DYNC2H1: variants seen among roughly 807,000 people sequenced by gnomAD.
DYNC2H1 encodes the protein cytoplasmic dynein 2 heavy chain 1.
Under a neutral mutation model 570.0 loss-of-function variants are expected in DYNC2H1, and 410 were observed. That is an observed-to-expected ratio of 0.72 (90% CI 0.66 to 0.78). The LOEUF is 0.78. DYNC2H1 is among the 30% of genes least tolerant of loss of function. DYNC2H1 has a pLI of 0.00. For synonymous variants in DYNC2H1, 1,688 were observed against 1,677.6 expected (o/e 1.01, Z -0.15); for missense variants, 4,865 against 5,046.4 (o/e 0.96, Z 1.09).
rs1480169152 is a variant in DYNC2H1, at chr11:103,399,146, TTTG to T, written c.12157-514_12157-512del. On this transcript the variant is annotated intron_variant, in intron 83 of 88. Transcript: ENST00000375735. ...TTCTCATTTCCCACACCGTTTTTTT[TTTG>T]TTTTTTTTTTTGAGATGGAGTCTCA... Among the ~76,000 whole-genome samples, 7 of 141,830 alleles carry T rather than the reference TTTG, an allele frequency of 4.9e-5. 1 individual carries two copies. Among genetic ancestry groups the T allele is most frequent in the African/African-American group, 2.0e-4 (7 of 35,122 alleles). 93.0% of individuals were successfully genotyped at this position (141,830 alleles called of 152,430 possible). A position where few individuals can be genotyped will look rare whatever the true frequency, so the allele number is the denominator to read the frequency against.
intron 78 of DYNC2H1, among the ~76,000 whole-genome samples, chr11:103,308,179 C>T: frequency 6.6e-6 from 1 of 152,108 alleles, no homozygotes; most frequent in East Asian, 1.9e-4. Context: ...TGAAGAGCAA[C>T]TCTTCATTTT....
chr11:103,390,419 A>G lies in DYNC2H1; in HGVS notation c.12157-9244A>G, dbSNP rs553965747. 1.9e-3 allele frequency among the ~76,000 whole-genome samples: 290 copies of G among 151,800 alleles called. 1 individual carries two copies. The highest frequency in any genetic ancestry group is 6.8e-3 in the African/African-American group (282 of 41,286). Reference sequence around the variant, plus strand: ...TGCACATGAGATGGGTTTCCTGAATACAGCACACTGATGGGTCTTGACTCT... The same window carrying G: ...TGCACATGAGATGGGTTTCCTGAATGCAGCACACTGATGGGTCTTGACTCT... On this transcript the variant is annotated intron_variant, in intron 83 of 88. Coordinates refer to ENST00000375735, the MANE Select transcript of DYNC2H1 (RefSeq NM_001377.3).
chr11:103,215,844 A>G lies in DYNC2H1; in HGVS notation c.8818A>G (p.Thr2940Ala). ...AGCAGATGCTGCCCTTCAAATGATC[A>G]CAGTGTCAATGCAGGTAATGTTTAG... ...DEADAALQMITVSMQDASEQK... is the reference protein window; with the variant it reads ...DEADAALQMIAVSMQDASEQK... The change falls in exon 55 of 89, where the codon ACA becomes GCA. Residue 2940 changes from threonine to alanine, a missense_variant. Thr to Ala is a moderately conservative substitution (Grantham distance 58). Transcript: ENST00000375735. 6.2e-7 allele frequency: 1 copy of G among 1,612,888 alleles called. No homozygotes were observed. Among genetic ancestry groups the G allele is most frequent in the Non-Finnish European group, 8.5e-7 (1 of 1,179,356 alleles).
At chr11:103,143,633 A>G (rs752116092) in intron 18 of DYNC2H1, among the ~76,000 whole-genome samples, 6 of 152,298 alleles carry the variant, frequency 3.9e-5, no homozygotes, top group Non-Finnish European at 7.4e-5. Flanking sequence ...AGAGGCTTCT[A>G]TCTTCATCTG....
chr11:103,161,255 C>T (rs1861080835), intron 29 of DYNC2H1, among the ~76,000 whole-genome samples: 2 of 151,918 alleles, frequency 1.3e-5, no homozygotes, highest in Admixed American at 1.3e-4. Flanking sequence ...GGAAGGCAGC[C>T]TGTAATTATG....
At chr11:103,128,730 A>C (rs962673921) in intron 12 of DYNC2H1, among the ~76,000 whole-genome samples, 180 bp from the exon 13 acceptor site, 1 of 152,222 alleles carries the variant, frequency 6.6e-6, no homozygotes, top group African/African-American at 2.4e-5. Flanking sequence ...GTAGGAACTC[A>C]ACACTTACTT....
At chr11:103,168,717 C>A (rs1163430882) in intron 31 of DYNC2H1, 38 bp from the exon 32 acceptor site, 1 of 1,586,900 alleles carries the variant, frequency 6.3e-7, no homozygotes, top group East Asian at 2.2e-5. Flanking sequence ...CACAGGCTAA[C>A]ATTTTCTCCA....
chr11:103,168,240 G>A (rs1010551079), intron 31 of DYNC2H1, among the ~76,000 whole-genome samples: 1 of 152,166 alleles, frequency 6.6e-6, no homozygotes, highest in Admixed American at 6.5e-5. Flanking sequence ...TCCTTCTAAA[G>A]CCTGAGCTAG....
rs553712605 is a variant in DYNC2H1, at chr11:103,369,819, C to T, written c.12156+11460C>T. Among the ~76,000 whole-genome samples, 2 of 152,326 alleles carry T rather than the reference C, an allele frequency of 1.3e-5. No homozygotes were observed. Among genetic ancestry groups the T allele is most frequent in the Non-Finnish European group, 1.5e-5 (1 of 68,032 alleles). ...CCTGCATAACCAGCAGCAATACCCA[C>T]GTGTACTACATTGAGGGCCTTGGGT... On this transcript the variant is annotated intron_variant, in intron 83 of 88. Coordinates refer to ENST00000375735, the MANE Select transcript of DYNC2H1 (RefSeq NM_001377.3). The surrounding 1 kb of genome is among the most constrained non-coding windows in gnomAD (Gnocchi z 4.0).
intron 42 of DYNC2H1, among the ~76,000 whole-genome samples, chr11:103,187,033 A>G (rs139577972): frequency 8.7e-4 from 133 of 152,122 alleles, no homozygotes; most frequent in Admixed American, 1.9e-3. Flanking sequence ...AAAATCCTTC[A>G]ACTGTGGGGA....
chr11:103,414,137 A>G (rs1303039937), intron 84 of DYNC2H1, among the ~76,000 whole-genome samples: 1 of 152,224 alleles, frequency 6.6e-6, no homozygotes, highest in Non-Finnish European at 1.5e-5. Flanking sequence ...TAAGATGGAA[A>G]CATAACCTTT....
rs1369326321 is a variant in DYNC2H1 at position 103,461,694 on chromosome 11, C to G, written c.12648+5338C>G. Among the ~76,000 whole-genome samples the G allele has an allele frequency of 6.6e-6, 1 of 150,662 alleles. No homozygotes were observed. Among genetic ancestry groups the G allele is most frequent in the Non-Finnish European group, 1.5e-5 (1 of 67,808 alleles). On this transcript the variant is annotated intron_variant, in intron 87 of 88. Transcript: ENST00000375735. This position sits in a 1 kb window ranked among gnomAD's most constrained non-coding sequence, Gnocchi z 4.8. ...AGCTCTGCATGGAACGGTCAATTCC[C>G]TAGAAAATGTAAACATCCTTTGGTC...
intron 3 of DYNC2H1, 104 bp from the exon 4 acceptor site, chr11:103,115,073 C>CAT (rs1309428182): frequency 1.4e-6 from 1 of 695,442 alleles, no homozygotes; most frequent in African/African-American, 1.8e-5. Flanking sequence ...CAGCTAGGAG[C>CAT]ATATGTGTTA....
At chr11:103,411,642 GAAACAA>G (rs1943092185) in intron 84 of DYNC2H1, among the ~76,000 whole-genome samples, 1 of 151,852 alleles carries the variant, frequency 6.6e-6, no homozygotes, top group African/African-American at 2.4e-5. Context: ...TTAATTATAT[GAAACAA>G]TTTTTTAAGA....
At chr11:103,112,183 T>C (rs1285042570) in intron 1 of DYNC2H1, among the ~76,000 whole-genome samples, 2 of 151,974 alleles carry the variant, frequency 1.3e-5, no homozygotes, top group Non-Finnish European at 2.9e-5. Flanking sequence ...AAACTGTAAG[T>C]ACCAAGGCCC....
chr11:103,208,120 A>G (rs1368485289), intron 52 of DYNC2H1, among the ~76,000 whole-genome samples: 2 of 152,144 alleles, frequency 1.3e-5, no homozygotes, highest in Non-Finnish European at 2.9e-5. Context: ...ACAAAATCTC[A>G]TGATTTGACT....
intron 84 of DYNC2H1, chr11:103,403,208 G>A (rs535103087): frequency 7.2e-5 from 11 of 152,092 alleles, no homozygotes; most frequent in East Asian, 1.9e-4. Flanking sequence ...ATACTACTGC[G>A]GGTAGACCTA....
At chr11:103,459,804 T>G (rs967289698) in intron 87 of DYNC2H1, among the ~76,000 whole-genome samples, 179 of 150,654 alleles carry the variant, frequency 1.2e-3, no homozygotes, top group African/African-American at 4.2e-3. Flanking sequence ...TACAAAAAAT[T>G]AGCCGGGCGC....
At chr11:103,140,905 T>G (rs2134814775) in intron 17 of DYNC2H1, among the ~76,000 whole-genome samples, 1 of 152,326 alleles carries the variant, frequency 6.6e-6, no homozygotes, top group South Asian at 2.1e-4. Flanking sequence ...TGCTCATTTC[T>G]TTTTATTCTT....
Sources: gnomAD v4.1 joint callset for allele counts (sites outside exome capture counted in the v4.1 genomes callset) on GRCh38, gnomAD v4.1.1 for gene constraint, Gnocchi (gnomAD v3.1) non-coding constraint, MANE v1.5 for transcripts, NCBI Gene and HGNC (gene_info 2026-07-23, HGNC 2026-07-21) for gene names.